Variants in ALG12 observed in about 807,000 individuals in gnomAD.
ALG12 encodes the protein dol-P-Man:Man(7)GlcNAc(2)-PP-Dol alpha-1,6-mannosyltransferase.
Under a neutral mutation model 46.0 loss-of-function variants are expected in ALG12, and 36 were observed. That is an observed-to-expected ratio of 0.78 (90% CI 0.60 to 1.03). The LOEUF is 1.03. Among genes scored for constraint, ALG12 ranks in the 50% least tolerant of loss-of-function variants. ALG12 has a pLI of 0.00. For missense variants in ALG12, 599 were observed against 633.5 expected (o/e 0.95, Z 0.58); for synonymous variants, 326 against 291.6 (o/e 1.12, Z -1.20).
the ALG12 span, among the ~76,000 whole-genome samples, chr22:49,881,303 C>G: frequency 6.6e-6 from 1 of 152,244 alleles, no homozygotes; most frequent in Non-Finnish European, 1.5e-5. Flanking sequence ...GAACTGAGAT[C>G]GTGCCGCTGC....
the ALG12 span, among the ~76,000 whole-genome samples, chr22:49,862,826 T>C: frequency 1.3e-5 from 2 of 150,914 alleles, no homozygotes; most frequent in African/African-American, 4.9e-5. Context: ...CTCAGTTTCC[T>C]GAGTAACTGG....
chr22:49,909,441 C>G, intron 5 of ALG12, 94 bp from the exon 6 acceptor site: 1 of 1,282,514 alleles, frequency 7.8e-7, no homozygotes, highest in Non-Finnish European at 1.1e-6. Context: ...AAACTACAAG[C>G]TGCTTTCATA....
rs1187582266 is a variant in ALG12 at position 49,901,902 on chromosome 22, A to C, written c.*1936T>G. On this transcript the variant is annotated 3_prime_UTR_variant, in exon 10 of 10. Transcript: ENST00000330817. The stretch of plus-strand genomic sequence containing the variant: ...GTGTGTGCACGTGTGCACTGTGTGT[A>C]TGCATGGTAATGTGCACGCATGCAC... 1 of 111,392 alleles carries C rather than the reference A, an allele frequency of 9.0e-6. No homozygotes were observed. Among genetic ancestry groups the C allele is most frequent in the Non-Finnish European group, 1.8e-5 (1 of 56,282 alleles). 6.9% of individuals were successfully genotyped at this position (111,392 alleles called of 1,614,324 possible).
chr22:49,909,227 C>G lies in ALG12; in HGVS notation c.768+17G>C. The G allele has an allele frequency of 1.2e-6, 2 of 1,612,772 alleles. No individual in the cohort carries two copies. Among genetic ancestry groups the G allele is most frequent in the Non-Finnish European group, 8.5e-7 (1 of 1,178,762 alleles). ...AGGTCCCACCCATCGCCCTCCTGCA[C>G]GGACACTGAAGGATACCCCCCAGTT... On this transcript the variant is annotated intron_variant, in intron 6 of 9. Transcript: ENST00000330817.
At chr22:49,863,495 C>T in the ALG12 span, among the ~76,000 whole-genome samples, 11 of 152,218 alleles carry the variant, frequency 7.2e-5, no homozygotes, top group South Asian at 1.7e-3. Context: ...GGCGTGGTGG[C>T]GAGTGCCTGT....
In ALG12 at chr22:49,907,652, C is replaced by G. The variant is rs959844994; in HGVS notation, c.992+69G>C. On this transcript the variant is annotated intron_variant, in intron 7 of 9. Coordinates refer to ENST00000330817, the MANE Select transcript of ALG12 (RefSeq NM_024105.4). ...AAATTAAACACACACATACATCCCC[C>G]CAACAGTAAATCAGTGAACCTGTTT... is the stretch of plus-strand genomic sequence containing the variant. 5.3e-5 allele frequency: 81 copies of G among 1,517,944 alleles called. No individual in the cohort carries two copies. The African/African-American group carries it at 1.0e-3, about 20-fold the overall frequency. The allele number at this position is 1,517,944 out of a possible 1,614,324, so 94.0% of individuals were successfully genotyped here. A position where few individuals can be genotyped will look rare whatever the true frequency, so the allele number is the denominator to read the frequency against.
chr22:49,865,912 A>G, the ALG12 span, among the ~76,000 whole-genome samples: 2 of 137,254 alleles, frequency 1.5e-5, no homozygotes, highest in South Asian at 2.3e-4. Flanking sequence ...GGGTCTCACT[A>G]TATTGCCCAG....
the ALG12 span, among the ~76,000 whole-genome samples, chr22:49,865,863 CT>C: frequency 2.0e-3 from 282 of 139,346 alleles, 2 homozygotes; most frequent in Middle Eastern, 3.6e-3. Context: ...TTCACATTTT[CT>C]TTTTTTTTTT....
the ALG12 span, chr22:49,887,992 G>A: frequency 3.6e-5 from 6 of 167,224 alleles, no homozygotes; most frequent in African/African-American, 1.4e-4. Flanking sequence ...GCATCTCCAC[G>A]CTCTGAAGCT....
intron 1 of ALG12, among the ~76,000 whole-genome samples, chr22:49,917,451 G>A (rs1034667932): frequency 8.5e-5 from 13 of 152,126 alleles, no homozygotes; most frequent in African/African-American, 2.9e-4. Flanking sequence ...CAGGCAGATC[G>A]CTTGAGGTCA....
rs773515413 is a variant in ALG12 at position 49,907,861 on chromosome 22, T to C, written c.852A>G (p.Val284=). Residue 284 remains valine (V), a synonymous_variant, in exon 7 of 10, where the codon GTA becomes GTG. Coordinates refer to ENST00000330817, the MANE Select transcript of ALG12 (RefSeq NM_024105.4). ...CCGTCGGCGCGTGCGTCCTTCTGTC[T>C]ACCAAGCCCAGGGGGATGAAGAGCA... ...CSLLFIPLGL[V]DRRTHAPTVL... is the part of the protein sequence containing the mutation. 6.2e-7 allele frequency: 1 copy of C among 1,613,958 alleles called. No homozygotes were observed. Among genetic ancestry groups the C allele is most frequent in the South Asian group, 1.1e-5 (1 of 91,086 alleles).
the ALG12 span, among the ~76,000 whole-genome samples, chr22:49,871,740 A>AATTT: frequency 8.7e-3 from 488 of 56,016 alleles, 14 homozygotes; most frequent in East Asian, 0.16. Context: ...TGGCTGTGAC[A>AATTT]ATTTATTTAT....
chr22:49,872,353 C>T, the ALG12 span, among the ~76,000 whole-genome samples: 1 of 152,172 alleles, frequency 6.6e-6, no homozygotes, highest in Non-Finnish European at 1.5e-5. Context: ...GCAATTCCGC[C>T]GTATCTTTGG....
At chr22:49,885,344 C>T in the ALG12 span, 20 of 1,589,540 alleles carry the variant, frequency 1.3e-5, no homozygotes, top group Non-Finnish European at 1.2e-5. Context: ...AAAAAGACCT[C>T]GAAGCTGTGG....
the ALG12 span, among the ~76,000 whole-genome samples, chr22:49,880,641 C>A: frequency 1.3e-5 from 2 of 152,240 alleles, no homozygotes; most frequent in Non-Finnish European, 2.9e-5. Context: ...TTGTTTTGTT[C>A]ATCATGGCTA....
rs996345877 is a variant in ALG12 at position 49,905,364 on chromosome 22, G to A, written c.993-858C>T. 6.6e-6 allele frequency among the ~76,000 whole-genome samples: 1 copy of A among 152,158 alleles called. No individual in the cohort carries two copies. Among genetic ancestry groups the A allele is most frequent in the Non-Finnish European group, 1.5e-5 (1 of 68,040 alleles). ...CGGAGCCCTCTTCTCCACAGGCCCTGCCCTTTGCTATGGTTTGGATCTGCG... is the reference window on the plus strand; with the variant it reads ...CGGAGCCCTCTTCTCCACAGGCCCTACCCTTTGCTATGGTTTGGATCTGCG... On this transcript the variant is annotated intron_variant, in intron 7 of 9. Coordinates refer to ENST00000330817, the MANE Select transcript of ALG12 (RefSeq NM_024105.4). This position sits in a 1 kb window ranked among gnomAD's most constrained non-coding sequence, Gnocchi z 4.9.
chr22:49,909,123 C>G, intron 6 of ALG12, 121 bp downstream of exon 6: 1 of 1,089,940 alleles, frequency 9.2e-7, no homozygotes, highest in South Asian at 1.3e-5. Flanking sequence ...GGGGCTCCAT[C>G]CTGACCCTGC....
rs1179107249 is a variant in ALG12 at position 49,906,768 on chromosome 22, C to A, written c.992+953G>T. Among the ~76,000 whole-genome samples, 1 of 152,190 alleles carries A rather than the reference C, an allele frequency of 6.6e-6. No individual in the cohort carries two copies. Among genetic ancestry groups the A allele is most frequent in the Non-Finnish European group, 1.5e-5 (1 of 68,024 alleles). On this transcript the variant is annotated intron_variant, in intron 7 of 9. Coordinates refer to ENST00000330817, the MANE Select transcript of ALG12 (RefSeq NM_024105.4). This position sits in a 1 kb window ranked among gnomAD's most constrained non-coding sequence, Gnocchi z 4.4. ...CAAGGCAGCAAACTCTGAACGGGCA[C>A]AGAGCTGGCCAGCCTCAGCCCTGGG...
downstream of ALG12, among the ~76,000 whole-genome samples, chr22:49,896,686 A>G (rs2147567409): frequency 6.6e-6 from 1 of 152,034 alleles, no homozygotes; most frequent in South Asian, 2.1e-4. Flanking sequence ...CCCAGGCTGG[A>G]GTACAATGGC....
Sources: gnomAD v4.1 joint callset for allele counts (sites outside exome capture counted in the v4.1 genomes callset) on GRCh38, gnomAD v4.1.1 for gene constraint, Gnocchi (gnomAD v3.1) non-coding constraint, MANE v1.5 for transcripts, NCBI Gene and HGNC (gene_info 2026-07-23, HGNC 2026-07-21) for gene names.